The following TRIO variants were observed in gnomAD, a reference collection of about 807,000 sequenced individuals.
The protein encoded by TRIO is triple functional domain protein.
A neutral mutation model predicts 351.9 loss-of-function variants in TRIO; 58 were observed. The ratio of observed to expected loss-of-function variants is 0.16; its 90% confidence interval spans 0.13 to 0.21. TRIO has a LOEUF of 0.21. TRIO is among the 10% of genes least tolerant of loss of function. The pLI, the probability that TRIO is intolerant of heterozygous loss-of-function variation, is 1.00. For synonymous variants in TRIO, 1,758 were observed against 1,595.7 expected (o/e 1.10, Z -2.42); for missense variants, 3,201 against 4,027.8 (o/e 0.79, Z 5.56).
chr5:14,316,441 A>G, intron 8 of TRIO, 72 bp from the exon 9 acceptor site: 1 of 1,500,462 alleles, frequency 6.7e-7, no homozygotes, highest in Non-Finnish European at 9.2e-7. Flanking sequence ...CATGTATCCA[A>G]GGACAGCATC....
intron 11 of TRIO, among the ~76,000 whole-genome samples, chr5:14,349,329 G>A (rs553288655): frequency 2.0e-4 from 31 of 151,886 alleles, no homozygotes; most frequent in Non-Finnish European, 3.1e-4. Context: ...GTGTGTGCAC[G>A]CACATGAGCA....
intron 1 of TRIO, among the ~76,000 whole-genome samples, chr5:14,182,441 A>G (rs32339): frequency 0.85 from 128,777 of 152,262 alleles, 54,640 homozygotes; most frequent in East Asian, 0.99. Context: ...GGAATAGCAA[A>G]GTTTTAGAAA....
intron 1 of TRIO, among the ~76,000 whole-genome samples, chr5:14,253,501 G>C (rs185590104): frequency 5.9e-5 from 9 of 151,668 alleles, no homozygotes; most frequent in African/African-American, 2.0e-4. Flanking sequence ...CACAGGTCCC[G>C]GCTGATTTCT....
At chr5:14,353,606 A>G (rs899840417) in intron 11 of TRIO, among the ~76,000 whole-genome samples, 2 of 152,092 alleles carry the variant, frequency 1.3e-5, no homozygotes, top group Non-Finnish European at 2.9e-5. Context: ...TGCCCATTTT[A>G]TAGATGAGAA....
chr5:14,324,525 G>A (rs989905583), intron 9 of TRIO, among the ~76,000 whole-genome samples: 2 of 152,158 alleles, frequency 1.3e-5, no homozygotes, highest in African/African-American at 4.8e-5. Flanking sequence ...TATGTCAGAT[G>A]TATTATGTAG....
intron 5 of TRIO, 23 bp from the exon 6 acceptor site, chr5:14,292,989 G>A (rs1419248181): frequency 2.5e-6 from 4 of 1,613,884 alleles, no homozygotes; most frequent in Admixed American, 1.7e-5. Flanking sequence ...AGTGATTGCG[G>A]GTTGTCTTTT....
At chr5:14,385,208 C>T (rs1040824757) in intron 21 of TRIO, among the ~76,000 whole-genome samples, 2 of 152,250 alleles carry the variant, frequency 1.3e-5, no homozygotes, top group Non-Finnish European at 2.9e-5. Context: ...ACTGCACTTC[C>T]TGTCTGCCCC....
At chr5:14,371,520 A>G (rs1249871248) in intron 18 of TRIO, among the ~76,000 whole-genome samples, 3 of 152,216 alleles carry the variant, frequency 2.0e-5, no homozygotes, top group Non-Finnish European at 4.4e-5. Context: ...GAATTTAAAC[A>G]TTAAATTCTC....
chr5:14,254,270 G>A (rs1192438945), intron 1 of TRIO, among the ~76,000 whole-genome samples: 5 of 147,650 alleles, frequency 3.4e-5, no homozygotes, highest in Admixed American at 2.8e-4. Flanking sequence ...TGCAGCCTCC[G>A]CCTCCCAGGT....
In TRIO at chr5:14,462,822, G is replaced by C; in HGVS notation, c.5564G>C (p.Cys1855Ser). 2 of 1,614,226 alleles carry C rather than the reference G, an allele frequency of 1.2e-6. No individual in the cohort carries two copies. Among genetic ancestry groups the C allele is most frequent in the Non-Finnish European group, 1.7e-6 (2 of 1,180,020 alleles). ...TCCTCCTCCTCGGGGATGCAGAGCT[G>C]TGGAGAAGAGGAAGGCGAGGAGGGG... is the stretch of plus-strand genomic sequence containing the variant. The part of the protein sequence containing the change: ...SKSSSSGMQS[C>S]GEEEGEEGAD... Residue 1855 changes from cysteine to serine, a missense_variant, in exon 36 of 57, where the codon TGT (cysteine) becomes TCT (serine). Cys to Ser is a moderately radical substitution (Grantham distance 112, BLOSUM62 -1). Coordinates refer to ENST00000344204, the MANE Select transcript of TRIO (RefSeq NM_007118.4).
chr5:14,491,902 C>T (rs1159911958), intron 48 of TRIO, among the ~76,000 whole-genome samples: 1 of 152,136 alleles, frequency 6.6e-6, no homozygotes, highest in Non-Finnish European at 1.5e-5. Flanking sequence ...TTGAGTCATG[C>T]AAGTTCATAA....
Position 14,487,871 on chromosome 5 carries a change from C to A in TRIO, c.7243C>A (p.Leu2415Met). The A allele has an allele frequency of 1.3e-6, 2 of 1,539,050 alleles. No individual in the cohort carries two copies. Among genetic ancestry groups the A allele is most frequent in the South Asian group, 2.4e-5 (2 of 83,280 alleles). The change falls in exon 48 of 57, where the codon CTG becomes ATG. Residue 2415 changes from leucine (L) to methionine (M), a missense_variant. This residue lies in a region of TRIO where 1,089 missense variants were observed against 954.9 expected (regional missense o/e 1.14). Coordinates refer to ENST00000344204, the MANE Select transcript of TRIO (RefSeq NM_007118.4). Reference sequence around the variant, plus strand: ...GGAGCCGATCCCCAAGATGAAGGTGCTGGAGAGCCCCAGGAAAGGCGCCGC... The same window carrying A: ...GGAGCCGATCCCCAAGATGAAGGTGATGGAGAGCCCCAGGAAAGGCGCCGC... Reference protein sequence around the residue: ...EAEPIPKMKVLESPRKGAANA... With the variant: ...EAEPIPKMKVMESPRKGAANA...
chr5:14,482,923 T>C (rs1755641070), intron 46 of TRIO, 150 bp downstream of exon 46: 5 of 747,790 alleles, frequency 6.7e-6, no homozygotes. Flanking sequence ...ATTCACCCCA[T>C]TTCTCTTTTT....
rs1372528723 is a variant in TRIO, at chr5:14,391,832, A to G, written c.4218+842A>G. ...AAACTTTTCAGTTTCTATCTTTGAGATGAAGCCCTACCTGTAGATGACCCT... is the reference window on the plus strand; with the variant it reads ...AAACTTTTCAGTTTCTATCTTTGAGGTGAAGCCCTACCTGTAGATGACCCT... On this transcript the variant is annotated intron_variant, in intron 27 of 56. Coordinates refer to ENST00000344204, the MANE Select transcript of TRIO (RefSeq NM_007118.4). Among the ~76,000 whole-genome samples the G allele has an allele frequency of 2.0e-5, 3 of 152,220 alleles. No individual in the cohort carries two copies. The East Asian group carries it at 5.8e-4, about 29-fold the overall frequency.
intron 1 of TRIO, among the ~76,000 whole-genome samples, chr5:14,197,010 C>T (rs908207590): frequency 2.0e-5 from 3 of 152,164 alleles, no homozygotes; most frequent in African/African-American, 2.4e-5. Flanking sequence ...GTGTTCAATG[C>T]GTAATTACAC....
chr5:14,441,924 A>G (rs1292585908), intron 34 of TRIO, among the ~76,000 whole-genome samples: 1 of 152,196 alleles, frequency 6.6e-6, no homozygotes, highest in Non-Finnish European at 1.5e-5. Flanking sequence ...CTGCGGAACT[A>G]GGGAAAAGAC....
intron 48 of TRIO, chr5:14,488,582 A>G (rs1258068156): frequency 6.0e-6 from 3 of 496,802 alleles, no homozygotes; most frequent in Non-Finnish European, 1.1e-5. Context: ...TCACGCACCT[A>G]TTTTTTGGAG....
At chr5:14,257,185 C>T (rs1235706350) in intron 1 of TRIO, among the ~76,000 whole-genome samples, 2 of 152,206 alleles carry the variant, frequency 1.3e-5, no homozygotes, top group African/African-American at 4.8e-5. Flanking sequence ...CGCGGCTTTC[C>T]GCCCTCTTGC....
chr5:14,292,405 A>G (rs564524004), intron 5 of TRIO, among the ~76,000 whole-genome samples: 5 of 152,090 alleles, frequency 3.3e-5, no homozygotes, highest in Admixed American at 2.0e-4. Flanking sequence ...AAATGTTTTC[A>G]TTGCAAATGT....
Sources: allele counts gnomAD v4.1 joint callset (sites outside exome capture counted in the v4.1 genomes callset), GRCh38; gene constraint gnomAD v4.1.1; regional missense constraint gnomAD v4.1.1; transcripts MANE v1.5; gene names NCBI Gene and HGNC (gene_info 2026-07-23, HGNC 2026-07-21).